Variants in ANO6 observed in about 807,000 individuals in gnomAD.
The protein encoded by ANO6 is anoctamin 6.
ANO6 carries 106 observed loss-of-function variants against 117.5 expected under a neutral mutation model. The observed-to-expected ratio is 0.90, with a 90% CI of 0.77 to 1.06. The LOEUF is 1.06. Among genes scored for constraint, ANO6 ranks in the 50% least tolerant of loss-of-function variants. The pLI is 0.00. For missense variants in ANO6, 955 were observed against 1,121.1 expected, an observed-to-expected ratio of 0.85 and a Z score of 2.12; for synonymous variants, 367 against 385.1, an observed-to-expected ratio of 0.95 and a Z score of 0.55.
At chr12:45,408,479 A>C (rs892923697) in intron 15 of ANO6, among the ~76,000 whole-genome samples, 1 of 152,186 alleles carries the variant, frequency 6.6e-6, no homozygotes, top group Non-Finnish European at 1.5e-5. Context: ...AAAACATGAC[A>C]TAAAAAAGAG....
intron 8 of ANO6, among the ~76,000 whole-genome samples, chr12:45,358,795 T>G (rs1052585553): frequency 2.0e-5 from 3 of 152,096 alleles, no homozygotes; most frequent in African/African-American, 7.2e-5. Context: ...TTTTTTTTTT[T>G]TTGGTGGTGG....
chr12:45,418,450 G>A (rs1471193884), intron 17 of ANO6, among the ~76,000 whole-genome samples: 3 of 152,186 alleles, frequency 2.0e-5, no homozygotes, highest in African/African-American at 7.2e-5. Flanking sequence ...AAGTTCCTCA[G>A]TCATAAAACA....
intron 8 of ANO6, among the ~76,000 whole-genome samples, chr12:45,360,015 A>G (rs1049178308): frequency 2.0e-5 from 3 of 152,214 alleles, no homozygotes; most frequent in Admixed American, 6.5e-5. Flanking sequence ...TCTAATGTCT[A>G]CTGATGGTGA....
chr12:45,410,880 C>T lies in ANO6; in HGVS notation c.2011+1393C>T, dbSNP rs1411508529. Among the ~76,000 whole-genome samples, 4 of 152,302 alleles carry T rather than the reference C, an allele frequency of 2.6e-5. No individual in the cohort carries two copies. In the East Asian group the frequency reaches 7.7e-4, roughly 29 times the overall value. ...GAGTAAAAGGTTCATCTTGTGGCTT[C>T]TTTAGTCAACAGTACTTTGCAGCAG... On this transcript the variant is annotated intron_variant, in intron 16 of 19. Coordinates refer to ENST00000320560, the MANE Select transcript of ANO6 (RefSeq NM_001025356.3).
At chr12:45,386,944 G>A (rs772533481) in intron 10 of ANO6, among the ~76,000 whole-genome samples, 3 of 152,184 alleles carry the variant, frequency 2.0e-5, no homozygotes, top group South Asian at 4.1e-4. Flanking sequence ...AAATGTTCTG[G>A]TTCTGTGTGC....
chr12:45,439,110 T>C (rs888211756), intron 19 of ANO6, among the ~76,000 whole-genome samples: 1 of 152,148 alleles, frequency 6.6e-6, no homozygotes, highest in Non-Finnish European at 1.5e-5. Flanking sequence ...TAGTCAGAAG[T>C]CCTGATGGTG....
intron 1 of ANO6, among the ~76,000 whole-genome samples, chr12:45,254,384 G>A (rs1937737220): frequency 6.6e-6 from 1 of 152,208 alleles, no homozygotes; most frequent in Admixed American, 6.5e-5. Flanking sequence ...GATCATCATT[G>A]CCTGGGGAGG....
intron 12 of ANO6, among the ~76,000 whole-genome samples, chr12:45,399,199 T>C (rs1284252776): frequency 6.7e-6 from 1 of 150,304 alleles, no homozygotes; most frequent in Non-Finnish European, 1.5e-5. Flanking sequence ...TTTTTTGTTT[T>C]GTTTTTTGTT....
At chr12:45,418,097 C>G (rs978069492) in intron 17 of ANO6, among the ~76,000 whole-genome samples, 1 of 151,856 alleles carries the variant, frequency 6.6e-6, no homozygotes, top group African/African-American at 2.4e-5. Flanking sequence ...ATTTTATCAT[C>G]TTCATTACTC....
chr12:45,359,670 C>T (rs1040485768), intron 8 of ANO6, among the ~76,000 whole-genome samples: 6 of 152,110 alleles, frequency 3.9e-5, no homozygotes, highest in African/African-American at 1.4e-4. Context: ...GTGTATAAAC[C>T]GCATTGTTTA....
Position 45,216,399 on chromosome 12 carries a change from A to AG in ANO6, c.70+12dup. 6.2e-7 allele frequency: 1 copy of AG among 1,609,970 alleles called. No individual in the cohort carries two copies. Among genetic ancestry groups the AG allele is most frequent in the Non-Finnish European group, 8.5e-7 (1 of 1,178,460 alleles). On this transcript the variant is annotated intron_variant, in intron 1 of 19. Transcript: ENST00000320560. The stretch of plus-strand genomic sequence containing the variant: ...ACGACGATGGGGATATCGGTGAGCG[A>AG]GGGGTCCCCGCGTCCCCACCCGAGA...
rs557256645 is a variant in ANO6 at position 45,216,519 on chromosome 12, G to A, written c.70+128G>A. On this transcript the variant is annotated intron_variant, in intron 1 of 19. Transcript: ENST00000320560. ...CCGAGACGCTCGGCCGCTCCGGGCA[G>A]GGGAGGAAGCCCGCTGTCCCCGGCT... The A allele has an allele frequency of 1.0e-5, 11 of 1,071,314 alleles. No homozygotes were observed. In the East Asian group the frequency reaches 2.9e-4, roughly 28 times the overall value. The allele number at this position is 1,071,314 out of a possible 1,614,324, so 66.4% of individuals were successfully genotyped here. A position where few individuals can be genotyped will look rare whatever the true frequency, so the allele number is the denominator to read the frequency against.
intron 1 of ANO6, among the ~76,000 whole-genome samples, chr12:45,251,728 C>T (rs1937632959): frequency 6.6e-6 from 1 of 152,174 alleles, no homozygotes; most frequent in Non-Finnish European, 1.5e-5. Context: ...CCGTAGCCTC[C>T]ATCATCTAAT....
intron 1 of ANO6, among the ~76,000 whole-genome samples, chr12:45,233,047 A>G (rs1210163125): frequency 2.0e-5 from 3 of 152,180 alleles, no homozygotes; most frequent in Non-Finnish European, 4.4e-5. Flanking sequence ...CTGGATTCTC[A>G]GCCAGAAATG....
intron 12 of ANO6, among the ~76,000 whole-genome samples, chr12:45,391,154 T>G (rs1188291605): frequency 6.6e-6 from 1 of 151,960 alleles, no homozygotes; most frequent in Non-Finnish European, 1.5e-5. Context: ...GGAATACCCT[T>G]AACAAAAAGA....
chr12:45,337,129 C>T (rs1162879039), intron 3 of ANO6, among the ~76,000 whole-genome samples: 2 of 152,052 alleles, frequency 1.3e-5, no homozygotes, highest in African/African-American at 4.8e-5. Flanking sequence ...GCTAAGTGAG[C>T]AGTGTTATAA....
intron 2 of ANO6, among the ~76,000 whole-genome samples, chr12:45,330,652 A>G (rs1010583141): frequency 6.6e-6 from 1 of 152,066 alleles, no homozygotes; most frequent in African/African-American, 2.4e-5. Context: ...AAAGGCTTCT[A>G]TATTTTGTTG....
At chr12:45,231,601 C>A (rs1947575284) in intron 1 of ANO6, among the ~76,000 whole-genome samples, 2 of 152,194 alleles carry the variant, frequency 1.3e-5, no homozygotes, top group Non-Finnish European at 2.9e-5. Flanking sequence ...TTCCATCTTT[C>A]TCTTACTGCA....
At chr12:45,249,863 G>T (rs1025997236) in intron 1 of ANO6, among the ~76,000 whole-genome samples, 1 of 152,136 alleles carries the variant, frequency 6.6e-6, no homozygotes, top group African/African-American at 2.4e-5. Flanking sequence ...CTTTGAAATT[G>T]TCTTTTCTTT....
Sources: gnomAD v4.1 joint callset for allele counts (sites outside exome capture counted in the v4.1 genomes callset) on GRCh38, gnomAD v4.1.1 for gene constraint, MANE v1.5 for transcripts, NCBI Gene and HGNC (gene_info 2026-07-23, HGNC 2026-07-21) for gene names.